ST6GAL1: variants seen among roughly 807,000 people sequenced by gnomAD.
ST6GAL1 encodes beta-galactoside alpha-2,6-sialyltransferase 1.
ST6GAL1 carries 20 observed loss-of-function variants against 38.0 expected under a neutral mutation model. The observed-to-expected ratio is 0.53, with a 90% confidence interval of 0.37 to 0.77. The LOEUF is 0.77. Ranked by LOEUF, ST6GAL1 falls within the 30% of genes least tolerant of loss-of-function variation. The probability of loss-of-function intolerance (pLI) is 0.00; values close to 1 mark genes in which losing one functional copy is unlikely to be tolerated. For synonymous variants in ST6GAL1, 196 were observed against 188.2 expected (o/e 1.04, Z -0.34); for missense variants, 432 against 496.4 (o/e 0.87, Z 1.23).
At chr3:186,962,997 G>A (rs1714983519) in intron 1 of ST6GAL1, among the ~76,000 whole-genome samples, 1 of 152,112 alleles carries the variant, frequency 6.6e-6, no homozygotes, top group Non-Finnish European at 1.5e-5. Context: ...GGTAGAGTAT[G>A]TTATCTGTAG....
intron 1 of ST6GAL1, among the ~76,000 whole-genome samples, chr3:186,958,678 G>C (rs564897708): frequency 5.6e-4 from 85 of 152,282 alleles, no homozygotes; most frequent in African/African-American, 1.9e-3. Flanking sequence ...TGTGCCGGGT[G>C]CTGTGGCTCA....
intron 2 of ST6GAL1, among the ~76,000 whole-genome samples, chr3:186,994,030 CACATA>C (rs1716275120): frequency 2.0e-5 from 3 of 152,118 alleles, no homozygotes; most frequent in Admixed American, 2.0e-4. Flanking sequence ...CCTTGCCTTC[CACATA>C]TTTCTATGTG....
At chr3:186,960,516 G>A (rs1317569144) in intron 1 of ST6GAL1, among the ~76,000 whole-genome samples, 7 of 152,184 alleles carry the variant, frequency 4.6e-5, no homozygotes, top group Non-Finnish European at 8.8e-5. Flanking sequence ...TGTGGTGACA[G>A]ATTACAGAGC....
At chr3:186,968,200 C>T (rs903825723) in intron 2 of ST6GAL1, among the ~76,000 whole-genome samples, 20 of 152,142 alleles carry the variant, frequency 1.3e-4, no homozygotes, top group African/African-American at 4.1e-4. Flanking sequence ...CTGACCATAG[C>T]TGCATGACCT....
At chr3:186,994,533 T>C (rs149147115) in intron 2 of ST6GAL1, among the ~76,000 whole-genome samples, 2 of 152,266 alleles carry the variant, frequency 1.3e-5, no homozygotes, top group East Asian at 3.9e-4. Flanking sequence ...TTTTGTTTGT[T>C]TAACTTTCAT....
chr3:186,959,280 T>A (rs1714854461), intron 1 of ST6GAL1, among the ~76,000 whole-genome samples: 1 of 152,130 alleles, frequency 6.6e-6, no homozygotes, highest in Non-Finnish European at 1.5e-5. Context: ...TTTGCTGGAA[T>A]CTCTTGGCCT....
At chr3:186,936,759 C>G (rs74645916) in intron 1 of ST6GAL1, among the ~76,000 whole-genome samples, 28,210 of 151,660 alleles carry the variant, frequency 0.19, 2,923 homozygotes, top group East Asian at 0.33. Flanking sequence ...TGGCCAACAT[C>G]GTGAAACCCC....
intron 1 of ST6GAL1, among the ~76,000 whole-genome samples, chr3:186,937,372 T>C (rs1398705808): frequency 1.3e-5 from 2 of 152,172 alleles, no homozygotes; most frequent in Non-Finnish European, 2.9e-5. Flanking sequence ...ACCCGTCGGT[T>C]CTTTAGAAGT....
intron 5 of ST6GAL1, among the ~76,000 whole-genome samples, chr3:187,071,605 C>CA (rs1428528462): frequency 2.0e-5 from 3 of 151,306 alleles, no homozygotes; most frequent in South Asian, 4.2e-4. Flanking sequence ...AAAAAACCCC[C>CA]AAAAAATTAG....
rs899023345 is a variant in ST6GAL1 at position 186,998,535 on chromosome 3, G to A, written c.-183+34609G>A. On this transcript the variant is annotated intron_variant, in intron 2 of 7. Transcript: ENST00000169298. ...TGAGGAGGAGGAAGAGGAGGGATTG[G>A]GTTTGTTTCAGGAATGGCAGAGGTA... 2.6e-5 allele frequency among the ~76,000 whole-genome samples: 4 copies of A among 152,164 alleles called. No homozygotes were observed. The South Asian group carries it at 8.3e-4, about 32-fold the overall frequency.
chr3:187,027,311 A>C (rs1717577166), intron 2 of ST6GAL1, among the ~76,000 whole-genome samples: 1 of 152,132 alleles, frequency 6.6e-6, no homozygotes, highest in South Asian at 2.1e-4. Context: ...TTTCAGTAGC[A>C]CTGTTCTCAG....
chr3:187,076,051 C>G lies in ST6GAL1; in HGVS notation c.*248C>G, dbSNP rs984970919. On this transcript the variant is annotated 3_prime_UTR_variant, in exon 8 of 8. Coordinates refer to ENST00000169298, the MANE Select transcript of ST6GAL1 (RefSeq NM_173216.2). ...ATGCACACATATCTAGCATTCTTTC[C>G]AGACAGCATCCTCCCCGCCTTCCAC... 4.0e-6 allele frequency: 2 copies of G among 498,204 alleles called. No homozygotes were observed. The highest frequency in any genetic ancestry group is 3.8e-5 in the African/African-American group (2 of 52,106). The allele number at this position is 498,204 out of a possible 1,614,324, so 30.9% of individuals were successfully genotyped here.
intron 2 of ST6GAL1, among the ~76,000 whole-genome samples, chr3:187,021,283 G>A (rs995362643): frequency 1.2e-4 from 18 of 152,070 alleles, no homozygotes; most frequent in African/African-American, 4.3e-4. Flanking sequence ...TTCCATGCAT[G>A]TTTCCTGGCG....
intron 1 of ST6GAL1, among the ~76,000 whole-genome samples, chr3:186,962,204 C>T (rs1714958914): frequency 6.6e-6 from 1 of 152,344 alleles, no homozygotes; most frequent in Middle Eastern, 3.4e-3. Flanking sequence ...TGTCTATCAG[C>T]ATCTCCCGTC....
chr3:187,041,369 AC>A (rs1718119517), intron 3 of ST6GAL1, among the ~76,000 whole-genome samples: 1 of 147,546 alleles, frequency 6.8e-6, no homozygotes, highest in East Asian at 2.0e-4. Flanking sequence ...GGTTAGCAAA[AC>A]CCCGGAGGTG....
chr3:186,989,863 T>C (rs890442229), intron 2 of ST6GAL1, among the ~76,000 whole-genome samples: 3 of 152,206 alleles, frequency 2.0e-5, no homozygotes, highest in African/African-American at 7.2e-5. Context: ...CTCCTGGATG[T>C]CCTTCCAGCA....
intron 1 of ST6GAL1, among the ~76,000 whole-genome samples, chr3:186,936,258 C>T (rs1713949167): frequency 6.6e-6 from 1 of 152,078 alleles, no homozygotes; most frequent in African/African-American, 2.4e-5. Flanking sequence ...AAAATCTGGC[C>T]CTCCATAAAT....
At chr3:187,033,338 C>T (rs1050437043) in intron 2 of ST6GAL1, among the ~76,000 whole-genome samples, 3 of 151,908 alleles carry the variant, frequency 2.0e-5, no homozygotes, top group African/African-American at 4.8e-5. Context: ...TCATGAACCT[C>T]GGGGGTGGAG....
At chr3:187,036,800 C>T (rs1419138185) in intron 2 of ST6GAL1, among the ~76,000 whole-genome samples, 1 of 152,140 alleles carries the variant, frequency 6.6e-6, no homozygotes, top group Non-Finnish European at 1.5e-5. Context: ...TCAGTACCTG[C>T]ATGGCAGGAT....
Sources: allele counts gnomAD v4.1 joint callset (sites outside exome capture counted in the v4.1 genomes callset), GRCh38; gene constraint gnomAD v4.1.1; transcripts MANE v1.5; gene names NCBI Gene and HGNC (gene_info 2026-07-23, HGNC 2026-07-21).